MAPK10: variants seen among roughly 807,000 people sequenced by gnomAD.
MAPK10 encodes the protein mitogen-activated protein kinase 10.
MAPK10 carries 25 observed loss-of-function variants against 59.3 expected under a neutral mutation model. That is an observed-to-expected ratio of 0.42 (90% CI 0.31 to 0.59). The LOEUF (loss-of-function observed/expected upper bound fraction) is 0.59, where lower values mean the gene tolerates loss of function less well. Ranked by LOEUF, MAPK10 falls within the 20% of genes least tolerant of loss-of-function variation. MAPK10 has a pLI of 0.15. For missense variants in MAPK10, 351 were observed against 568.9 expected, an observed-to-expected ratio of 0.62 and a Z score of 3.90; for synonymous variants, 190 against 200.5, an observed-to-expected ratio of 0.95 and a Z score of 0.44.
At chr4:86,170,136 G>A (rs1366747126) in intron 3 of MAPK10, among the ~76,000 whole-genome samples, 1 of 151,672 alleles carries the variant, frequency 6.6e-6, no homozygotes, top group Non-Finnish European at 1.5e-5. Flanking sequence ...TCGAGACTAG[G>A]AAGAAACTGC....
chr4:86,367,391 A>G (rs192340262), intron 1 of MAPK10, among the ~76,000 whole-genome samples: 62 of 152,218 alleles, frequency 4.1e-4, no homozygotes, highest in Admixed American at 1.4e-3. Flanking sequence ...CCCCAAGTGT[A>G]TTCTACTTGG....
intron 2 of MAPK10, among the ~76,000 whole-genome samples, chr4:86,217,360 A>C (rs911146545): frequency 6.6e-6 from 1 of 152,226 alleles, no homozygotes; most frequent in African/African-American, 2.4e-5. Context: ...AAAATTAATA[A>C]AATATTCTTA....
intron 2 of MAPK10, among the ~76,000 whole-genome samples, chr4:86,197,760 C>T (rs1034551742): frequency 7.2e-5 from 11 of 151,998 alleles, no homozygotes; most frequent in Admixed American, 3.3e-4. Flanking sequence ...TTAAGGAAGA[C>T]TGAAAGGATA....
intron 1 of MAPK10, among the ~76,000 whole-genome samples, chr4:86,557,309 A>G (rs1760344673): frequency 6.6e-6 from 1 of 152,038 alleles, no homozygotes; most frequent in South Asian, 2.1e-4. Context: ...CAACCTCCCA[A>G]GTTATGTTAT....
At chr4:86,043,308 C>A (rs2041925305) in intron 11 of MAPK10, among the ~76,000 whole-genome samples, 1 of 152,150 alleles carries the variant, frequency 6.6e-6, no homozygotes, top group Non-Finnish European at 1.5e-5. Context: ...AGGTGTGCTG[C>A]CACCACAGAA....
At position 86,307,062 on chromosome 4, in the gene MAPK10, AG is replaced by A. The variant is rs113573686; in HGVS notation, c.-7+47467del. Among the ~76,000 whole-genome samples, 862 of 152,302 alleles carry A rather than the reference AG, an allele frequency of 5.7e-3. 11 individuals are homozygous for A. The highest frequency in any genetic ancestry group is 0.019 in the African/African-American group (810 of 41,578). On this transcript the variant is annotated intron_variant, in intron 2 of 13. Coordinates refer to ENST00000641462, the MANE Select transcript of MAPK10 (RefSeq NM_138982.4). ...CCAGATGAGTAAATGAAGCATAACTAGGGTGATATACTGGGGGAAAAAAGAA... is the reference window on the plus strand; with the variant it reads ...CCAGATGAGTAAATGAAGCATAACTAGGTGATATACTGGGGGAAAAAAGAA...
In MAPK10 at chr4:86,315,926, C is replaced by T. The variant is rs558247021; in HGVS notation, c.-7+38604G>A. ...TATAGAAATACAAAATAAAGTATTACTTTCTTCCCCAAAGCAGTAAAAAGT... is the reference window on the plus strand; with the variant it reads ...TATAGAAATACAAAATAAAGTATTATTTTCTTCCCCAAAGCAGTAAAAAGT... On this transcript the variant is annotated intron_variant, in intron 2 of 13. Transcript: ENST00000641462. 2.0e-4 allele frequency among the ~76,000 whole-genome samples: 30 copies of T among 152,238 alleles called. No individual in the cohort carries two copies. The Middle Eastern group carries it at 0.014, about 69-fold the overall frequency.
intron 2 of MAPK10, among the ~76,000 whole-genome samples, chr4:86,291,606 C>T (rs923206940): frequency 6.6e-6 from 1 of 152,042 alleles, no homozygotes; most frequent in Non-Finnish European, 1.5e-5. Flanking sequence ...AAACTAGATG[C>T]TACTGATGAA....
intron 13 of MAPK10, among the ~76,000 whole-genome samples, chr4:86,018,774 T>G (rs947645305): frequency 6.6e-6 from 1 of 152,234 alleles, no homozygotes; most frequent in Non-Finnish European, 1.5e-5. Flanking sequence ...AAATAAGAGA[T>G]GAGGAATTCT....
intron 1 of MAPK10, among the ~76,000 whole-genome samples, chr4:86,472,161 T>A (rs1375703689): frequency 6.6e-6 from 1 of 152,156 alleles, no homozygotes; most frequent in African/African-American, 2.4e-5. Flanking sequence ...AAATAAAACA[T>A]TGAGAAGCAC....
At chr4:86,065,256 T>C (rs1476396393) in intron 10 of MAPK10, 3 of 152,154 alleles carry the variant, frequency 2.0e-5, no homozygotes, top group African/African-American at 7.2e-5. Flanking sequence ...ATTGAAGTGA[T>C]AGAAATAATA....
chr4:86,074,528 G>A lies in MAPK10; in HGVS notation c.803-6573C>T, dbSNP rs1331449226. ...TTTTGGCATGATTTTGCAGTGGCTG[G>A]TACTGGTTGTTCCTTTCCATGTTTA... On this transcript the variant is annotated intron_variant, in intron 9 of 13. Transcript: ENST00000641462. 2.2e-5 allele frequency among the ~76,000 whole-genome samples: 3 copies of A among 133,386 alleles called. No homozygotes were observed. The East Asian group carries it at 6.6e-4, about 29-fold the overall frequency. The allele number at this position is 133,386 out of a possible 152,430, so 87.5% of individuals were successfully genotyped here. A position where few individuals can be genotyped will look rare whatever the true frequency, so the allele number is the denominator to read the frequency against.
At chr4:86,311,655 C>T (rs1336566137) in intron 2 of MAPK10, among the ~76,000 whole-genome samples, 1 of 152,010 alleles carries the variant, frequency 6.6e-6, no homozygotes, top group African/African-American at 2.4e-5. Context: ...GGTGTGTTGC[C>T]TGCTTCTGGT....
chr4:86,255,827 A>T (rs1030769348), intron 2 of MAPK10, among the ~76,000 whole-genome samples: 2 of 152,142 alleles, frequency 1.3e-5, no homozygotes, highest in African/African-American at 2.4e-5. Flanking sequence ...CTCATCTTAG[A>T]TATCTGTTTG....
At chr4:86,593,377 CA>C (rs1296095932) in intron 1 of MAPK10, among the ~76,000 whole-genome samples, 1 of 152,128 alleles carries the variant, frequency 6.6e-6, no homozygotes, top group African/African-American at 2.4e-5. Context: ...GAGAATAACC[CA>C]AAACTTTCAA....
chr4:86,577,090 G>C (rs1761958098), intron 1 of MAPK10, among the ~76,000 whole-genome samples: 1 of 152,108 alleles, frequency 6.6e-6, no homozygotes, highest in South Asian at 2.1e-4. Context: ...GGTTGTCTTT[G>C]AGCCCAGAGT....
intron 9 of MAPK10, among the ~76,000 whole-genome samples, chr4:86,069,300 C>T (rs2047317300): frequency 6.6e-6 from 1 of 151,990 alleles, no homozygotes; most frequent in Admixed American, 6.6e-5. Context: ...TAAATTATTA[C>T]ATATTCTGTC....
At chr4:86,366,160 T>C (rs542271811) in intron 1 of MAPK10, among the ~76,000 whole-genome samples, 9 of 152,188 alleles carry the variant, frequency 5.9e-5, no homozygotes, top group African/African-American at 1.7e-4. Context: ...ATACTATATA[T>C]ATATGTTTAC....
chr4:86,265,124 C>T lies in MAPK10; in HGVS notation c.-6-70717G>A, dbSNP rs147933059. ...CAGGATGGTCTCGATCTCTTGACCT[C>T]GTGACGTACCTGCCTCGGCCTCCCA... On this transcript the variant is annotated intron_variant, in intron 2 of 13. Transcript: ENST00000641462. 6.3e-3 allele frequency among the ~76,000 whole-genome samples: 960 copies of T among 151,992 alleles called. 8 individuals are homozygous for T. The highest frequency in any genetic ancestry group is 0.02 in the African/African-American group (843 of 41,482).
Sources: allele counts gnomAD v4.1 joint callset (sites outside exome capture counted in the v4.1 genomes callset), GRCh38; gene constraint gnomAD v4.1.1; transcripts MANE v1.5; gene names NCBI Gene and HGNC (gene_info 2026-07-23, HGNC 2026-07-21).